Variants in NAE1 observed in about 807,000 individuals in gnomAD.
NAE1 encodes NEDD8 activating enzyme E1 subunit 1.
NAE1 carries 59 observed loss-of-function variants against 88.0 expected under a neutral mutation model. The observed-to-expected ratio is 0.67, with a 90% confidence interval of 0.54 to 0.83. NAE1 has a LOEUF of 0.83. Ranked by LOEUF, NAE1 falls within the 40% of genes least tolerant of loss-of-function variation. NAE1 has a pLI of 0.00. For missense variants in NAE1, 554 were observed against 632.8 expected (o/e 0.88, Z 1.34); for synonymous variants, 186 against 208.9 (o/e 0.89, Z 0.95).
chr16:66,830,840 G>A lies in NAE1; in HGVS notation c.53+7C>T. 1 of 1,513,012 alleles carries A rather than the reference G, an allele frequency of 6.6e-7. No individual in the cohort carries two copies. The highest frequency in any genetic ancestry group is 8.8e-7 in the Non-Finnish European group (1 of 1,138,314). 93.7% of individuals were successfully genotyped at this position (1,513,012 alleles called of 1,614,324 possible). A position where few individuals can be genotyped will look rare whatever the true frequency, so the allele number is the denominator to read the frequency against. ...GCCCGCCCTCGGCTCGGTGAGCCTC[G>A]GCTCACCTCAGCTGCCGGTCGTACT... On this transcript the variant is annotated splice_region_variant and intron_variant, in intron 1 of 19. Transcript: ENST00000290810.
chr16:66,808,611 A>G lies in NAE1; in HGVS notation c.1240T>C (p.Ser414Pro). Residue 414 changes from serine (S) to proline (P), a missense_variant and splice_region_variant, in exon 17 of 20, where the codon TCT becomes CCT. Ser to Pro is a moderately conservative substitution (Grantham distance 74). Transcript: ENST00000290810. Reference protein sequence around the residue: ...LDTINKDEIISSMDNPDNEIV... With the variant: ...LDTINKDEIIPSMDNPDNEIV... Reference sequence around the variant, plus strand: ...TCATTATCTGGATTGTCCATGCTAGAAACTGAAAGGAAAAAAAATTTCAGT... The same window carrying G: ...TCATTATCTGGATTGTCCATGCTAGGAACTGAAAGGAAAAAAAATTTCAGT... The G allele has an allele frequency of 1.3e-6, 2 of 1,597,366 alleles. No individual in the cohort carries two copies. Among genetic ancestry groups the G allele is most frequent in the Non-Finnish European group, 1.7e-6 (2 of 1,171,248 alleles).
At chr16:66,809,264 T>C (rs1184533103) in intron 15 of NAE1, among the ~76,000 whole-genome samples, 189 bp from the exon 16 acceptor site, 1 of 152,200 alleles carries the variant, frequency 6.6e-6, no homozygotes, top group Non-Finnish European at 1.5e-5. Context: ...TTTATATCCC[T>C]GGCACTACAA....
intron 8 of NAE1, among the ~76,000 whole-genome samples, 156 bp downstream of exon 8, chr16:66,818,372 A>C (rs1363647653): frequency 6.6e-6 from 1 of 152,236 alleles, no homozygotes; most frequent in Non-Finnish European, 1.5e-5. Flanking sequence ...AAAAATTAAT[A>C]TGTTGAAAAC....
At chr16:66,823,786 T>C (rs1960358375) in intron 4 of NAE1, among the ~76,000 whole-genome samples, 186 bp from the exon 5 acceptor site, 1 of 152,220 alleles carries the variant, frequency 6.6e-6, no homozygotes, top group Non-Finnish European at 1.5e-5. Flanking sequence ...GTTTGTAGCA[T>C]AGTGGCCTGA....
At chr16:66,804,952 A>G (rs920226379) in intron 19 of NAE1, among the ~76,000 whole-genome samples, 3 of 152,186 alleles carry the variant, frequency 2.0e-5, no homozygotes, top group East Asian at 1.9e-4. Flanking sequence ...TTTATTGTTT[A>G]TAAGTCTATG....
intron 4 of NAE1, among the ~76,000 whole-genome samples, 185 bp from the exon 5 acceptor site, chr16:66,823,785 ATAGTGGCC>A (rs1960358464): frequency 6.6e-6 from 1 of 152,156 alleles, no homozygotes; most frequent in African/African-American, 2.4e-5. Context: ...AGTTTGTAGC[ATAGTGGCC>A]TGATCATAGC....
chr16:66,823,123 A>G (rs1298569165), intron 6 of NAE1, 104 bp downstream of exon 6: 2 of 608,986 alleles, frequency 3.3e-6, no homozygotes, highest in Non-Finnish European at 5.0e-6. Flanking sequence ...TTTCTATAGA[A>G]TTTAACAATT....
At chr16:66,808,899 C>T (rs538615649) in intron 16 of NAE1, 90 bp downstream of exon 16, 32 of 785,128 alleles carry the variant, frequency 4.1e-5, no homozygotes, top group Middle Eastern at 3.3e-4. Context: ...TTAATATCAT[C>T]ACCATATACT....
chr16:66,823,076 C>CAA (rs776599321), intron 6 of NAE1, 151 bp downstream of exon 6: 2,273 of 149,990 alleles, frequency 0.015, 1 homozygote, highest in Middle Eastern at 0.024. Context: ...AGCTCAAGCT[C>CAA]AAAAAAAAAA....
intron 3 of NAE1, 78 bp downstream of exon 3, chr16:66,826,445 C>G: frequency 8.1e-6 from 11 of 1,357,954 alleles, no homozygotes; most frequent in Non-Finnish European, 1.1e-5. Flanking sequence ...AGTCGAGTCA[C>G]CCTGACTGAG....
chr16:66,826,459 G>A, intron 3 of NAE1, 64 bp downstream of exon 3: 3 of 1,474,698 alleles, frequency 2.0e-6, no homozygotes, highest in Non-Finnish European at 2.8e-6. Context: ...GACTGAGGAG[G>A]TGAAGCTAAG....
intron 1 of NAE1, chr16:66,828,142 C>G: frequency 1.7e-6 from 2 of 1,196,338 alleles, no homozygotes; most frequent in Non-Finnish European, 2.4e-6. Flanking sequence ...GTAGAAGACA[C>G]CTGACATATA....
intron 7 of NAE1, among the ~76,000 whole-genome samples, chr16:66,819,219 A>G (rs1160252225): frequency 6.6e-6 from 1 of 152,196 alleles, no homozygotes; most frequent in Non-Finnish European, 1.5e-5. Flanking sequence ...CTAGGTACAG[A>G]TAGCAACTAA....
intron 3 of NAE1, 177 bp downstream of exon 3, chr16:66,826,346 C>A: frequency 1.7e-6 from 1 of 599,218 alleles, no homozygotes; most frequent in Non-Finnish European, 2.9e-6. Flanking sequence ...TTTATTAATG[C>A]CCTATTTGCC....
chr16:66,813,548 G>A lies in NAE1; in HGVS notation c.1034+16C>T, dbSNP rs1959908044. ...TCAGACTTTTTCTATTACATAGTTT[G>A]AAAACAGTGACATACACGTTTTGCA... On this transcript the variant is annotated intron_variant, in intron 13 of 19. Transcript: ENST00000290810. 1.3e-6 allele frequency: 2 copies of A among 1,595,442 alleles called. No individual in the cohort carries two copies. Among genetic ancestry groups the A allele is most frequent in the Non-Finnish European group, 8.5e-7 (1 of 1,171,508 alleles).
Position 66,804,553 on chromosome 16 carries a change from T to A in NAE1, c.1495+1224A>T, listed in dbSNP as rs1959485353. Among the ~76,000 whole-genome samples, 3 of 152,340 alleles carry A rather than the reference T, an allele frequency of 2.0e-5. No homozygotes were observed. The South Asian group carries it at 6.2e-4, about 32-fold the overall frequency. Reference sequence around the variant, plus strand: ...AATATTAATTAGACCTAAATCTGCCTTTAAAACATTCAACATCTAGAAGGA... The same window carrying A: ...AATATTAATTAGACCTAAATCTGCCATTAAAACATTCAACATCTAGAAGGA... On this transcript the variant is annotated intron_variant, in intron 19 of 19. Transcript: ENST00000290810.
chr16:66,812,513 CTT>C (rs961953416), intron 13 of NAE1, among the ~76,000 whole-genome samples: 75 of 103,620 alleles, frequency 7.2e-4, no homozygotes, highest in African/African-American at 1.7e-3. Context: ...CCCCTAAGTT[CTT>C]TTTTTTTTTT....
At chr16:66,810,224 G>GAAA in intron 15 of NAE1, 150 bp downstream of exon 15, 2 of 573,580 alleles carry the variant, frequency 3.5e-6, no homozygotes, top group South Asian at 2.1e-5. Context: ...ATTATGAGAG[G>GAAA]AAAAAAAAAA....
In NAE1 at chr16:66,826,546, G is replaced by A; in HGVS notation, c.195C>T (p.Val65=). Residue 65 remains valine (V), a synonymous_variant, in exon 3 of 20, where the codon GTC becomes GTT. Transcript: ENST00000290810. ...ACTTGTTTCCAGCATCTTCTCCGCTGACCTGATTTCCATCAATAATTGTAA... is the reference window on the plus strand; with the variant it reads ...ACTTGTTTCCAGCATCTTCTCCGCTAACCTGATTTCCATCAATAATTGTAA... ...GSFTIIDGNQ[V]SGEDAGNNFF... The A allele has an allele frequency of 6.2e-7, 1 of 1,614,106 alleles. No homozygotes were observed. Among genetic ancestry groups the A allele is most frequent in the South Asian group, 1.1e-5 (1 of 91,070 alleles).
Sources: gnomAD v4.1 joint callset for allele counts (sites outside exome capture counted in the v4.1 genomes callset) on GRCh38, gnomAD v4.1.1 for gene constraint, MANE v1.5 for transcripts, NCBI Gene and HGNC (gene_info 2026-07-23, HGNC 2026-07-21) for gene names.